Variants in IMPDH2 observed in about 807,000 individuals in gnomAD.
The protein encoded by IMPDH2 is inosine monophosphate dehydrogenase 2, also known as inosine-5'-monophosphate dehydrogenase 2.
Under a neutral mutation model 57.8 loss-of-function variants are expected in IMPDH2, and 33 were observed. The ratio of observed to expected loss-of-function variants is 0.57; its 90% CI spans 0.43 to 0.76. IMPDH2 has a LOEUF of 0.76. Among genes scored for constraint, IMPDH2 ranks in the 30% least tolerant of loss-of-function variants. The pLI, the probability that IMPDH2 is intolerant of heterozygous loss-of-function variation, is 0.00. For synonymous variants in IMPDH2, 270 were observed against 241.3 expected, an observed-to-expected ratio of 1.12 and a Z score of -1.10; for missense variants, 446 against 659.1, an observed-to-expected ratio of 0.68 and a Z score of 3.54.
At chr3:49,028,220 G>C in intron 4 of IMPDH2, 28 bp downstream of exon 4, 1 of 1,583,286 alleles carries the variant, frequency 6.3e-7, no homozygotes, top group South Asian at 1.1e-5. Context: ...TCCCAGGAGC[G>C]CTTGCTAATG....
At chr3:49,028,853 C>T in intron 1 of IMPDH2, 47 bp from the exon 2 acceptor site, 1 of 1,433,502 alleles carries the variant, frequency 7.0e-7, no homozygotes, top group Non-Finnish European at 9.8e-7. Context: ...CAGCTTAGGG[C>T]AGCATGAGAC....
Position 49,026,883 on chromosome 3 carries a change from T to C in IMPDH2, c.623A>G (p.Lys208Arg). ...ATCATCTTCATTTACAATGGGCAAC[T>C]TTCCTGTGGTCAGGGCAGGACATGA... Reference protein sequence around the residue: ...NEILQRSKKGKLPIVNEDDEL... With the variant: ...NEILQRSKKGRLPIVNEDDEL... Residue 208 changes from lysine (K) to arginine (R), a missense_variant, in exon 7 of 14, where the codon AAG becomes AGG. By Grantham distance (26) the Lys-to-Arg change is conservative. Transcript: ENST00000326739. 6.2e-7 allele frequency: 1 copy of C among 1,614,194 alleles called. No individual in the cohort carries two copies. Among genetic ancestry groups the C allele is most frequent in the Non-Finnish European group, 8.5e-7 (1 of 1,180,036 alleles).
intron 4 of IMPDH2, 154 bp from the exon 5 acceptor site, chr3:49,028,070 G>A: frequency 3.9e-6 from 3 of 779,022 alleles, no homozygotes; most frequent in South Asian, 3.2e-5. Context: ...TAGGCTGGAG[G>A]CACTGTACAC....
chr3:49,027,675 C>G (rs1025037667), intron 5 of IMPDH2, 35 bp downstream of exon 5: 1 of 1,574,624 alleles, frequency 6.4e-7, no homozygotes, highest in Admixed American at 1.7e-5. Flanking sequence ...ACCTGGGCTG[C>G]TAGAGCTTGG....
rs2093194614 is a variant in IMPDH2 at position 49,025,498 on chromosome 3, C to G, written c.1007-229G>C. Reference sequence around the variant, plus strand: ...CATGTGCACGTGCATGTGTGCAGTGCCCAGGGCAGCCTCAGGCACATGCAG... The same window carrying G: ...CATGTGCACGTGCATGTGTGCAGTGGCCAGGGCAGCCTCAGGCACATGCAG... On this transcript the variant is annotated intron_variant, in intron 9 of 13. Coordinates refer to ENST00000326739, the MANE Select transcript of IMPDH2 (RefSeq NM_000884.3). 6 of 548,830 alleles carry G rather than the reference C, an allele frequency of 1.1e-5. No homozygotes were observed. In the South Asian group the frequency reaches 1.2e-4, roughly 11 times the overall value. The allele number at this position is 548,830 out of a possible 1,614,324, so 34.0% of individuals were successfully genotyped here. A position where few individuals can be genotyped will look rare whatever the true frequency, so the allele number is the denominator to read the frequency against.
rs765919308 is a variant in IMPDH2, at chr3:49,028,245, G to A, written c.324+3C>T. On this transcript the variant is annotated splice_donor_region_variant and intron_variant, in intron 4 of 13. Coordinates refer to ENST00000326739, the MANE Select transcript of IMPDH2 (RefSeq NM_000884.3). ...GCTTGCTAATGATCGTTGCCCTTCT[G>A]ACCTTCACTTTCCGAACTTCATTGG... 4 of 1,613,524 alleles carry A rather than the reference G, an allele frequency of 2.5e-6. No individual in the cohort carries two copies. Among genetic ancestry groups the A allele is most frequent in the Non-Finnish European group, 2.5e-6 (3 of 1,179,470 alleles).
intron 9 of IMPDH2, 84 bp downstream of exon 9, chr3:49,026,240 T>C: frequency 9.6e-7 from 1 of 1,040,938 alleles, no homozygotes; most frequent in Non-Finnish European, 1.5e-6. Context: ...GAGGGCTCTA[T>C]TGTCCCCATA....
At chr3:49,027,676 T>A (rs185178483) in intron 5 of IMPDH2, 34 bp downstream of exon 5, 1 of 1,576,426 alleles carries the variant, frequency 6.3e-7, no homozygotes, top group Non-Finnish European at 8.7e-7. Context: ...CCTGGGCTGC[T>A]AGAGCTTGGA....
chr3:49,024,419 A>AAG lies in IMPDH2; in HGVS notation c.1524-16_1524-15insCT. On this transcript the variant is annotated splice_polypyrimidine_tract_variant and intron_variant, in intron 13 of 13. Coordinates refer to ENST00000326739, the MANE Select transcript of IMPDH2 (RefSeq NM_000884.3). Reference sequence around the variant, plus strand: ...GCTTCTCATACCTGCAGGCAGAAGGACCACCTGTGAGGTGAGGGCAGGAGA... The same window carrying AAG: ...GCTTCTCATACCTGCAGGCAGAAGGAAGCCACCTGTGAGGTGAGGGCAGGAGA... The AAG allele has an allele frequency of 1.2e-6, 2 of 1,614,162 alleles. No individual in the cohort carries two copies. The highest frequency in any genetic ancestry group is 1.7e-6 in the Non-Finnish European group (2 of 1,180,024).
intron 3 of IMPDH2, 35 bp downstream of exon 3, chr3:49,028,396 T>C: frequency 6.2e-7 from 1 of 1,601,270 alleles, no homozygotes; most frequent in Non-Finnish European, 8.6e-7. Context: ...GGCGATGGAG[T>C]CCTTGCTCCT....
Position 49,025,213 on chromosome 3 carries a change from G to T in IMPDH2, c.1063C>A (p.Arg355=), listed in dbSNP as rs1406251163. 1.2e-6 allele frequency: 2 copies of T among 1,614,082 alleles called. No homozygotes were observed. The highest frequency in any genetic ancestry group is 1.7e-6 in the Non-Finnish European group (2 of 1,180,028). Residue 355 remains arginine, a synonymous_variant, in exon 10 of 14, where the codon CGG becomes AGG. Coordinates refer to ENST00000326739, the MANE Select transcript of IMPDH2 (RefSeq NM_000884.3). ...GCAATGACCGGAACACCAAAGCGCCGTGCATACTCTGACACCTTGTACACT... is the reference window on the plus strand; with the variant it reads ...GCAATGACCGGAACACCAAAGCGCCTTGCATACTCTGACACCTTGTACACT... ...TAVYKVSEYA[R]RFGVPVIADG... is the part of the protein sequence containing the mutation.
At chr3:49,025,070 G>A in intron 10 of IMPDH2, 30 bp from the exon 11 acceptor site, 1 of 1,614,222 alleles carries the variant, frequency 6.2e-7, no homozygotes, top group African/African-American at 1.3e-5. Flanking sequence ...TTGGGTTAGA[G>A]CCTAAGCAGC....
In IMPDH2 at chr3:49,028,909, G is replaced by C. The variant is rs940071649; in HGVS notation, c.99-103C>G. 4 of 925,188 alleles carry C rather than the reference G, an allele frequency of 4.3e-6. No individual in the cohort carries two copies. The East Asian group carries it at 1.0e-4, about 24-fold the overall frequency. The allele number at this position is 925,188 out of a possible 1,614,324, so 57.3% of individuals were successfully genotyped here. A position where few individuals can be genotyped will look rare whatever the true frequency, so the allele number is the denominator to read the frequency against. ...AACCCGTAACGCATGTGAGCAGAGA[G>C]TGGCACTGACAGAGTCTGTGTGTCA... On this transcript the variant is annotated intron_variant, in intron 1 of 13. Coordinates refer to ENST00000326739, the MANE Select transcript of IMPDH2 (RefSeq NM_000884.3).
In IMPDH2 at chr3:49,025,196, C is replaced by T. The variant is rs112185030; in HGVS notation, c.1080G>A (p.Pro360=). The T allele has an allele frequency of 1.0e-4, 164 of 1,614,200 alleles. 3 individuals carry two copies. The highest frequency in any genetic ancestry group is 6.8e-4 in the African/African-American group (51 of 75,066). Residue 360 remains proline (P), a synonymous_variant, in exon 10 of 14, where the codon CCG becomes CCA. Transcript: ENST00000326739. The part of the protein sequence containing the change: ...VSEYARRFGV[P]VIADGGIQNV... ...TTTGGATTCCTCCATCAGCAATGAC[C>T]GGAACACCAAAGCGCCGTGCATACT...
At chr3:49,028,139 C>G (rs975688673) in intron 4 of IMPDH2, 109 bp downstream of exon 4, 6 of 996,458 alleles carry the variant, frequency 6.0e-6, no homozygotes, top group Non-Finnish European at 9.4e-6. Flanking sequence ...GTAACTGAAC[C>G]CCATGGTGGG....
chr3:49,025,370 A>C lies in IMPDH2; in HGVS notation c.1007-101T>G, dbSNP rs536363131. On this transcript the variant is annotated intron_variant, in intron 9 of 13. Coordinates refer to ENST00000326739, the MANE Select transcript of IMPDH2 (RefSeq NM_000884.3). ...CCCAGGAGCTTTTGGCTACATCTGC[A>C]TCAGGACTGCAGCTTGGCTGAGGAA... 4.1e-5 allele frequency: 52 copies of C among 1,270,498 alleles called. No individual in the cohort carries two copies. In the East Asian group the frequency reaches 1.2e-3, roughly 28 times the overall value. 78.7% of individuals were successfully genotyped at this position (1,270,498 alleles called of 1,614,324 possible). A position where few individuals can be genotyped will look rare whatever the true frequency, so the allele number is the denominator to read the frequency against.
chr3:49,024,971 CGG>C lies in IMPDH2; in HGVS notation c.1218_1219del (p.Ile406MetfsTer27). The C allele has an allele frequency of 6.2e-7, 1 of 1,614,200 alleles. No individual in the cohort carries two copies. The highest frequency in any genetic ancestry group is 8.5e-7 in the Non-Finnish European group (1 of 1,180,044). ...ACCCATACCGCGATATTTCTTTAGCCGGATCCCATCGGAAAAGAAGTATTCAC... is the reference window on the plus strand; with the variant it reads ...ACCCATACCGCGATATTTCTTTAGCCATCCCATCGGAAAAGAAGTATTCAC... On this transcript the variant is annotated frameshift_variant, in exon 11 of 14. Coordinates refer to ENST00000326739, the MANE Select transcript of IMPDH2 (RefSeq NM_000884.3). LOFTEE classifies it high-confidence loss of function.
Position 49,026,766 on chromosome 3 carries a change from C to G in IMPDH2, c.740G>C (p.Gly247Ala). 1 of 1,614,202 alleles carries G rather than the reference C, an allele frequency of 6.2e-7. No homozygotes were observed. The highest frequency in any genetic ancestry group is 8.5e-7 in the Non-Finnish European group (1 of 1,180,016). Residue 247 changes from glycine to alanine, a missense_variant, in exon 7 of 14, where the codon GGG becomes GCG. Coordinates refer to ENST00000326739, the MANE Select transcript of IMPDH2 (RefSeq NM_000884.3). ...SKDAKKQLLCGAAIGTHEDDK... is the reference protein window; with the variant it reads ...SKDAKKQLLCAAAIGTHEDDK... ...ATCCTCATGAGTGCCAATGGCTGCCCCACACAGCAGCTGTTTCTTGGCATC... is the reference window on the plus strand; with the variant it reads ...ATCCTCATGAGTGCCAATGGCTGCCGCACACAGCAGCTGTTTCTTGGCATC...
chr3:49,024,750 T>C lies in IMPDH2; in HGVS notation c.1348A>G (p.Lys450Glu). The C allele has an allele frequency of 6.2e-7, 1 of 1,614,198 alleles. No homozygotes were observed. Among genetic ancestry groups the C allele is most frequent in the Middle Eastern group, 1.6e-4 (1 of 6,062 alleles). ...GGGACAAATTTGTGGATTGACCCTTTGTCCTGCACAGCACCAGACACTCCC... is the reference window on the plus strand; with the variant it reads ...GGGACAAATTTGTGGATTGACCCTTCGTCCTGCACAGCACCAGACACTCCC... Reference protein sequence around the residue: ...AQGVSGAVQDKGSIHKFVPYL... With the variant: ...AQGVSGAVQDEGSIHKFVPYL... Residue 450 changes from lysine (K) to glutamate (E), a missense_variant, in exon 12 of 14, where the codon AAA (lysine) becomes GAA (glutamate). Physicochemically the swap from Lys to Glu is moderately conservative, Grantham distance 56. Coordinates refer to ENST00000326739, the MANE Select transcript of IMPDH2 (RefSeq NM_000884.3).
Sources: allele counts gnomAD v4.1 joint callset, GRCh38; gene constraint gnomAD v4.1.1; transcripts MANE v1.5; gene names NCBI Gene and HGNC (gene_info 2026-07-23, HGNC 2026-07-21).